The following SAMD12 variants were observed in gnomAD, a reference collection of about 807,000 sequenced individuals.
SAMD12 encodes sterile alpha motif domain containing 12, also known as sterile alpha motif domain-containing protein 12.
SAMD12 carries 9 observed loss-of-function variants against 15.0 expected under a neutral mutation model. The ratio of observed to expected loss-of-function variants is 0.60; its 90% CI spans 0.36 to 1.05. The LOEUF (loss-of-function observed/expected upper bound fraction) is 1.05, where lower values mean the gene tolerates loss of function less well. SAMD12 is among the 50% of genes least tolerant of loss of function. The pLI is 0.01. For missense variants in SAMD12, 230 were observed against 234.2 expected (o/e 0.98, Z 0.12); for synonymous variants, 86 against 90.1 (o/e 0.96, Z 0.25).
At chr8:118,361,373 C>T (rs926697954) in intron 4 of SAMD12, among the ~76,000 whole-genome samples, 24 of 152,104 alleles carry the variant, frequency 1.6e-4, no homozygotes, top group Non-Finnish European at 3.1e-4. Flanking sequence ...ACTACCTCAT[C>T]GGACACATAG....
At chr8:118,355,590 G>C (rs1042517224) in intron 4 of SAMD12, among the ~76,000 whole-genome samples, 4 of 152,182 alleles carry the variant, frequency 2.6e-5, no homozygotes, top group Non-Finnish European at 1.5e-5. Flanking sequence ...AGACTAGACA[G>C]TTTGGAGGTA....
chr8:118,360,377 CTCT>C (rs1818431846), intron 4 of SAMD12, among the ~76,000 whole-genome samples: 1 of 152,124 alleles, frequency 6.6e-6, no homozygotes, highest in African/African-American at 2.4e-5. Context: ...ATAATTTTAA[CTCT>C]TATTATGATA....
chr8:118,519,217 T>C (rs1825325538), intron 2 of SAMD12, among the ~76,000 whole-genome samples: 1 of 152,210 alleles, frequency 6.6e-6, no homozygotes, highest in African/African-American at 2.4e-5. Context: ...TGTGGTTCTC[T>C]ACAAATGCCT....
intron 1 of SAMD12, among the ~76,000 whole-genome samples, chr8:118,617,453 T>C (rs1563614151): frequency 6.6e-6 from 1 of 152,236 alleles, no homozygotes; most frequent in Non-Finnish European, 1.5e-5. Flanking sequence ...TAAGCTACCA[T>C]GTTCATTTAT....
At chr8:118,293,805 T>G (rs1225555720) in intron 4 of SAMD12, among the ~76,000 whole-genome samples, 1 of 152,154 alleles carries the variant, frequency 6.6e-6, no homozygotes, top group Non-Finnish European at 1.5e-5. Context: ...ACCAGTCTGT[T>G]GGCAAAACCT....
chr8:118,237,464 G>T (rs1430808380), intron 4 of SAMD12, among the ~76,000 whole-genome samples: 1 of 152,142 alleles, frequency 6.6e-6, no homozygotes, highest in African/African-American at 2.4e-5. Context: ...GGTCCTAATA[G>T]CTATGTGTTG....
chr8:118,144,022 T>C, the SAMD12 span, among the ~76,000 whole-genome samples: 1 of 152,140 alleles, frequency 6.6e-6, no homozygotes, highest in Non-Finnish European at 1.5e-5. Flanking sequence ...TGGGAGAGAA[T>C]CCTTCCTCCC....
At chr8:118,350,306 C>A (rs1293767668) in intron 4 of SAMD12, among the ~76,000 whole-genome samples, 1 of 152,190 alleles carries the variant, frequency 6.6e-6, no homozygotes, top group Non-Finnish European at 1.5e-5. Flanking sequence ...TCAATCACAG[C>A]ATTTACCTCA....
At chr8:118,315,154 A>G (rs749919957) in intron 4 of SAMD12, among the ~76,000 whole-genome samples, 1 of 152,082 alleles carries the variant, frequency 6.6e-6, no homozygotes. Context: ...TCTTATGGAG[A>G]CATGCTCACA....
chr8:118,363,062 G>T (rs991392151), intron 4 of SAMD12, among the ~76,000 whole-genome samples: 43 of 152,286 alleles, frequency 2.8e-4, no homozygotes, highest in African/African-American at 1.0e-3. Context: ...TCTTTTATTT[G>T]AATAGTCTCA....
intron 4 of SAMD12, among the ~76,000 whole-genome samples, chr8:118,233,855 C>T (rs1035763858): frequency 5.9e-5 from 9 of 152,136 alleles, no homozygotes; most frequent in Non-Finnish European, 4.4e-5. Context: ...TAAGTTGTTT[C>T]CCATGAGAAC....
chr8:118,282,057 T>C (rs1813674499), intron 4 of SAMD12: 1 of 327,682 alleles, frequency 3.1e-6, no homozygotes, highest in African/African-American at 2.2e-5. Context: ...GGTAACCAAG[T>C]GGAGCTGAAT....
chr8:118,381,154 G>T (rs1398988364), intron 3 of SAMD12, among the ~76,000 whole-genome samples: 1 of 152,232 alleles, frequency 6.6e-6, no homozygotes, highest in East Asian at 1.9e-4. Context: ...AGAAACACTA[G>T]TGAGAATTAT....
intron 2 of SAMD12, among the ~76,000 whole-genome samples, chr8:118,565,262 CAGTT>C (rs945551932): frequency 2.6e-5 from 4 of 152,168 alleles, no homozygotes; most frequent in African/African-American, 4.8e-5. Flanking sequence ...ATGTATAAAA[CAGTT>C]AGCCACAGGT....
chr8:118,534,143 G>T (rs1312619691), intron 2 of SAMD12, among the ~76,000 whole-genome samples: 3 of 152,104 alleles, frequency 2.0e-5, no homozygotes, highest in Admixed American at 1.3e-4. Context: ...GCCTGGTGGT[G>T]ACAAAATCTC....
intron 2 of SAMD12, among the ~76,000 whole-genome samples, chr8:118,558,747 A>G (rs1005168804): frequency 6.6e-6 from 1 of 152,128 alleles, no homozygotes; most frequent in African/African-American, 2.4e-5. Flanking sequence ...TTTAGTAGAG[A>G]CGGGTTTCAC....
At chr8:118,488,026 C>T (rs1027182341) in intron 2 of SAMD12, among the ~76,000 whole-genome samples, 3 of 152,052 alleles carry the variant, frequency 2.0e-5, no homozygotes, top group African/African-American at 4.8e-5. Context: ...AGTATGCTTA[C>T]TTCCATAAGT....
chr8:118,195,118 AAAAC>A (rs1427186939), exon 5 of SAMD12: 8 of 152,196 alleles, frequency 5.3e-5, no homozygotes, highest in Non-Finnish European at 8.8e-5. Flanking sequence ...TTGACTTAAA[AAAAC>A]AAACAAACTA....
intron 4 of SAMD12, among the ~76,000 whole-genome samples, chr8:118,206,340 T>C (rs1819862858): frequency 6.6e-6 from 1 of 152,232 alleles, no homozygotes; most frequent in African/African-American, 2.4e-5. Context: ...GCAGGAAAAT[T>C]TGCTTTATAG....
Sources: allele counts gnomAD v4.1 joint callset (sites outside exome capture counted in the v4.1 genomes callset), GRCh38; gene constraint gnomAD v4.1.1; transcripts MANE v1.5; gene names NCBI Gene and HGNC (gene_info 2026-07-23, HGNC 2026-07-21).